The following ALOX15B variants were observed in gnomAD, a reference collection of about 807,000 sequenced individuals.
ALOX15B encodes the protein polyunsaturated fatty acid lipoxygenase ALOX15B.
A neutral mutation model predicts 73.8 loss-of-function variants in ALOX15B; 74 were observed. That is an observed-to-expected ratio of 1.00 (90% CI 0.83 to 1.22). ALOX15B has a LOEUF of 1.22. Ranked by LOEUF, ALOX15B falls within the 50% of genes most tolerant of loss-of-function variation. The pLI is 0.00. For missense variants in ALOX15B, 896 were observed against 859.9 expected (o/e 1.04, Z -0.52); for synonymous variants, 353 against 357.2 (o/e 0.99, Z 0.13).
At position 8,042,496 on chromosome 17, in the gene ALOX15B, G is replaced by A; in HGVS notation, c.572+5G>A. ...TTATCTACAGGCTGGCTCTGCGTGA[G>A]GATGCCCACCCTTCCCTGCCCCTGG... is the stretch of plus-strand genomic sequence containing the variant. On this transcript the variant is annotated splice_donor_5th_base_variant and intron_variant, in intron 4 of 13. Coordinates refer to ENST00000380183, the MANE Select transcript of ALOX15B (RefSeq NM_001141.3). 1.2e-6 allele frequency: 2 copies of A among 1,612,830 alleles called. No individual in the cohort carries two copies. The highest frequency in any genetic ancestry group is 1.7e-6 in the Non-Finnish European group (2 of 1,179,704).
In ALOX15B at chr17:8,047,464, C is replaced by T. The variant is rs985168311; in HGVS notation, c.1579+85C>T. On this transcript the variant is annotated intron_variant, in intron 11 of 13. Coordinates refer to ENST00000380183, the MANE Select transcript of ALOX15B (RefSeq NM_001141.3). The stretch of plus-strand genomic sequence containing the variant: ...CCTGCAGAGCACGCATTTGAGTGGC[C>T]CCGTCCCCGTGTCCCCCACCCTCAA... 62 of 1,590,006 alleles carry T rather than the reference C, an allele frequency of 3.9e-5. No individual in the cohort carries two copies. In the African/African-American group the frequency reaches 6.7e-4, roughly 17 times the overall value.
chr17:8,044,439 A>AAAG (rs1976549355), intron 5 of ALOX15B, among the ~76,000 whole-genome samples: 1 of 151,798 alleles, frequency 6.6e-6, no homozygotes, highest in Non-Finnish European at 1.5e-5. Context: ...AAAAAAAAAA[A>AAAG]AAGGAAAGAA....
chr17:8,046,640 C>A, intron 8 of ALOX15B, 28 bp from the exon 9 acceptor site: 2 of 1,606,684 alleles, frequency 1.2e-6, no homozygotes, highest in Non-Finnish European at 1.7e-6. Context: ...CAGGCCTCCC[C>A]TAGCTCTGCC....
At chr17:8,039,731 A>G in intron 2 of ALOX15B, 126 bp downstream of exon 2, 1 of 1,221,770 alleles carries the variant, frequency 8.2e-7, no homozygotes, top group Non-Finnish European at 1.1e-6. Context: ...CGGGCAGAGG[A>G]GAGGGAATGG....
chr17:8,045,177 C>T (rs1976571235), intron 6 of ALOX15B, 61 bp from the exon 7 acceptor site: 1 of 1,611,256 alleles, frequency 6.2e-7, no homozygotes, highest in Middle Eastern at 1.7e-4. Context: ...CTCCCTTCTA[C>T]AACTGCACCC....
intron 1 of ALOX15B, 30 bp from the exon 2 acceptor site, chr17:8,039,356 C>T (rs1598160133): frequency 6.2e-7 from 1 of 1,600,936 alleles, no homozygotes; most frequent in Non-Finnish European, 8.5e-7. Context: ...CAGGAGGGTC[C>T]GGCCTGACGC....
chr17:8,041,960 A>T (rs1020338923), intron 3 of ALOX15B, among the ~76,000 whole-genome samples: 3 of 152,272 alleles, frequency 2.0e-5, no homozygotes, highest in Non-Finnish European at 4.4e-5. Flanking sequence ...TGTCGGCCAG[A>T]CACAGAGGCA....
intron 4 of ALOX15B, 22 bp from the exon 5 acceptor site, chr17:8,042,759 C>T (rs780918756): frequency 1.3e-6 from 2 of 1,545,836 alleles, no homozygotes; most frequent in South Asian, 2.4e-5. Context: ...CCCCACTCCC[C>T]ACCCCTCACA....
Position 8,047,551 on chromosome 17 carries a change from G to C in ALOX15B, c.1580-13G>C, listed in dbSNP as rs1976645239. Reference sequence around the variant, plus strand: ...TCCCTGGAAGCCCCATCCCAGCCCAGCTCTCCTTGCAGGTATACCCTCCTC... The same window carrying C: ...TCCCTGGAAGCCCCATCCCAGCCCACCTCTCCTTGCAGGTATACCCTCCTC... On this transcript the variant is annotated splice_polypyrimidine_tract_variant and intron_variant, in intron 11 of 13. Coordinates refer to ENST00000380183, the MANE Select transcript of ALOX15B (RefSeq NM_001141.3). 2 of 1,589,474 alleles carry C rather than the reference G, an allele frequency of 1.3e-6. No homozygotes were observed. Among genetic ancestry groups the C allele is most frequent in the South Asian group, 2.3e-5 (2 of 88,124 alleles).
chr17:8,039,468 C>G lies in ALOX15B; in HGVS notation c.230C>G (p.Pro77Arg). ...LRVHKAPPVL[P>R]LLGPLAPDAW... ...GTGCACAAGGCGCCCCCAGTGCTGC[C>G]CCTGCTGGGGCCCCTGGCCCCGGAT... Residue 77 changes from proline to arginine, a missense_variant, in exon 2 of 14, where the codon CCC becomes CGC. Pro to Arg is a moderately radical substitution (Grantham distance 103). Coordinates refer to ENST00000380183, the MANE Select transcript of ALOX15B (RefSeq NM_001141.3). 1 of 1,601,542 alleles carries G rather than the reference C, an allele frequency of 6.2e-7. No homozygotes were observed. Among genetic ancestry groups the G allele is most frequent in the Non-Finnish European group, 8.5e-7 (1 of 1,175,394 alleles).
Position 8,046,752 on chromosome 17 carries a change from A to T in ALOX15B, c.1285A>T (p.Arg429Trp). 6.2e-7 allele frequency: 1 copy of T among 1,613,748 alleles called. No homozygotes were observed. Among genetic ancestry groups the T allele is most frequent in the South Asian group, 1.1e-5 (1 of 90,930 alleles). The change falls in exon 9 of 14, where the codon AGG (arginine) becomes TGG (tryptophan). Residue 429 changes from arginine to tryptophan, a missense_variant and splice_region_variant. Coordinates refer to ENST00000380183, the MANE Select transcript of ALOX15B (RefSeq NM_001141.3). ...LLIVPGQVVD[R>W]STGIGIEGFS... ...TATCGTGCCAGGGCAGGTGGTGGAC[A>T]GGGTGAGAGCTGTGTTGGGGAGGGA...
intron 4 of ALOX15B, 102 bp from the exon 5 acceptor site, chr17:8,042,679 C>A: frequency 3.0e-6 from 4 of 1,345,242 alleles, no homozygotes; most frequent in Admixed American, 2.1e-5. Flanking sequence ...CTACCTTGGG[C>A]CCGGAGGCTG....
chr17:8,041,758 C>T (rs1976469026), intron 3 of ALOX15B, among the ~76,000 whole-genome samples: 1 of 152,178 alleles, frequency 6.6e-6, no homozygotes, highest in South Asian at 2.1e-4. Context: ...TTAGAGATGC[C>T]TCGGGCGGCT....
At position 8,047,860 on chromosome 17, in the gene ALOX15B, C is replaced by A; in HGVS notation, c.1796C>A (p.Ala599Asp). Residue 599 changes from alanine to aspartate, a missense_variant, in exon 13 of 14, where the codon GCC becomes GAC. Ala to Asp is a moderately radical substitution (Grantham distance 126, BLOSUM62 -2). Transcript: ENST00000380183. ...ATAGCCACCCTCCCACCTGTCAATGCCACATGTGATGTCATCCTTGCTCTC... is the reference window on the plus strand; with the variant it reads ...ATAGCCACCCTCCCACCTGTCAATGACACATGTGATGTCATCCTTGCTCTC... ...GFIATLPPVN[A>D]TCDVILALWL... is the part of the protein sequence containing the mutation. 1 of 1,614,210 alleles carries A rather than the reference C, an allele frequency of 6.2e-7. No homozygotes were observed. Among genetic ancestry groups the A allele is most frequent in the Non-Finnish European group, 8.5e-7 (1 of 1,180,036 alleles).
At chr17:8,045,794 C>T (rs969487566) in intron 8 of ALOX15B, 108 bp downstream of exon 8, 12 of 1,250,172 alleles carry the variant, frequency 9.6e-6, no homozygotes, top group African/African-American at 3.0e-5. Context: ...GCAGAGCCCC[C>T]GTCCGCTTCA....
Position 8,042,841 on chromosome 17 carries a change from T to A in ALOX15B, c.633T>A (p.Asn211Lys). 6.4e-7 allele frequency: 1 copy of A among 1,557,676 alleles called. No individual in the cohort carries two copies. Among genetic ancestry groups the A allele is most frequent in the Non-Finnish European group, 8.7e-7 (1 of 1,150,318 alleles). ...LDRKGLWRSLNEMKRIFNFRR... is the reference protein window; with the variant it reads ...LDRKGLWRSLKEMKRIFNFRR... The stretch of plus-strand genomic sequence containing the variant: ...GCAAGGGGCTCTGGAGGAGTCTGAA[T>A]GAGATGAAAAGGATCTTCAACTTCC... Residue 211 changes from asparagine (N) to lysine (K), a missense_variant, in exon 5 of 14, where the codon AAT (asparagine) becomes AAA (lysine). Coordinates refer to ENST00000380183, the MANE Select transcript of ALOX15B (RefSeq NM_001141.3).
chr17:8,048,279 G>A, intron 13 of ALOX15B, 107 bp from the exon 14 acceptor site: 1 of 1,378,552 alleles, frequency 7.3e-7, no homozygotes, highest in Non-Finnish European at 9.8e-7. Flanking sequence ...GGGGGCTAGG[G>A]CCAGAGCTGG....
At position 8,044,790 on chromosome 17, in the gene ALOX15B, T is replaced by C. The variant is rs374527927; in HGVS notation, c.677-39T>C. ...TCCCCCACCCCCTGCAAAGCACGCATTTGAGTGACCCCGTTCCCCTGTCCC... is the reference window on the plus strand; with the variant it reads ...TCCCCCACCCCCTGCAAAGCACGCACTTGAGTGACCCCGTTCCCCTGTCCC... On this transcript the variant is annotated intron_variant, in intron 5 of 13. Transcript: ENST00000380183. 295 of 761,542 alleles carry C rather than the reference T, an allele frequency of 3.9e-4. 2 individuals are homozygous for C. In the African/African-American group the frequency reaches 5.2e-3, roughly 13 times the overall value. The allele number at this position is 761,542 out of a possible 1,614,324, so 47.2% of individuals were successfully genotyped here.
chr17:8,042,247 G>A (rs1976481819), intron 3 of ALOX15B, 122 bp from the exon 4 acceptor site: 1 of 1,248,176 alleles, frequency 8.0e-7, no homozygotes, highest in Admixed American at 2.6e-5. Flanking sequence ...TCCCAGGAGG[G>A]CCCTCTTGGC....
Sources: gnomAD v4.1 joint callset for allele counts (sites outside exome capture counted in the v4.1 genomes callset) on GRCh38, gnomAD v4.1.1 for gene constraint, MANE v1.5 for transcripts, NCBI Gene and HGNC (gene_info 2026-07-23, HGNC 2026-07-21) for gene names.